Variants in ATM observed in about 807,000 individuals in gnomAD.
ATM encodes ATM serine/threonine kinase.
In ATM, 308 loss-of-function variants were observed where a neutral mutation model predicts 387.0. The ratio of observed to expected loss-of-function variants is 0.80; its 90% CI spans 0.73 to 0.87. The LOEUF is 0.87. Ranked by LOEUF, ATM falls within the 40% of genes least tolerant of loss-of-function variation. ATM has a pLI of 0.00. For missense variants in ATM, 3,312 were observed against 3,560.9 expected, an observed-to-expected ratio of 0.93 and a Z score of 1.78; for synonymous variants, 1,156 against 1,187.3, an observed-to-expected ratio of 0.97 and a Z score of 0.54.
At chr11:108,361,446 A>G (rs1394782815) in intron 61 of ATM, among the ~76,000 whole-genome samples, 1 of 151,982 alleles carries the variant, frequency 6.6e-6, no homozygotes, top group Non-Finnish European at 1.5e-5. Flanking sequence ...GGAAAAAACT[A>G]CTTTAAAGTT....
chr11:108,271,253 A>G lies in ATM; in HGVS notation c.2924A>G (p.Asn975Ser), dbSNP rs730881354. The G allele has an allele frequency of 4.3e-6, 7 of 1,612,910 alleles. No homozygotes were observed. The highest frequency in any genetic ancestry group is 4.5e-5 in the East Asian group (2 of 44,842). Reference sequence around the variant, plus strand: ...CTTTTTTTTTTTTTTTACCACAGCAATGTGTGTTCTTTGTATCGTCGTGAC... The same window carrying G: ...CTTTTTTTTTTTTTTTACCACAGCAGTGTGTGTTCTTTGTATCGTCGTGAC... ...DVLELLKPLSNVCSLYRRDQD... is the reference protein window; with the variant it reads ...DVLELLKPLSSVCSLYRRDQD... The change falls in exon 20 of 63, where the codon AAT becomes AGT. Residue 975 changes from asparagine (N) to serine (S), a missense_variant and splice_region_variant. By Grantham distance (46) the Asn-to-Ser change is conservative. This residue lies in a region of ATM where 1,791 missense variants were observed against 1,804.5 expected (regional missense o/e 0.99). Transcript: ENST00000675843.
intron 22 of ATM, among the ~76,000 whole-genome samples, chr11:108,276,946 C>T (rs964705886): frequency 1.3e-5 from 2 of 152,188 alleles, no homozygotes; most frequent in African/African-American, 2.4e-5. Flanking sequence ...ACGTTTAAGT[C>T]CGCTGAAGCT....
intron 4 of ATM, among the ~76,000 whole-genome samples, chr11:108,232,358 T>C (rs1008582671): frequency 6.6e-6 from 1 of 152,098 alleles, no homozygotes; most frequent in South Asian, 2.1e-4. Context: ...TGTTTGTTTG[T>C]TTTTTACGAA....
intron 33 of ATM, among the ~76,000 whole-genome samples, chr11:108,297,801 T>C (rs2083206865): frequency 6.6e-6 from 1 of 152,200 alleles, no homozygotes; most frequent in Admixed American, 6.5e-5. Flanking sequence ...TTAATTAAAA[T>C]GTCCCTAAAA....
intron 31 of ATM, among the ~76,000 whole-genome samples, chr11:108,294,528 T>C (rs1219560359): frequency 5.9e-5 from 9 of 152,126 alleles, no homozygotes; most frequent in Non-Finnish European, 1.3e-4. Flanking sequence ...TCATCTGAGG[T>C]CAGGAGTTCG....
chr11:108,299,504 C>A, intron 33 of ATM: 1 of 452,126 alleles, frequency 2.2e-6, no homozygotes, highest in South Asian at 2.1e-5. Flanking sequence ...ACCATGTTGG[C>A]CAGGCTGGTC....
At chr11:108,357,495 CACAG>C (rs2090138757) in intron 61 of ATM, among the ~76,000 whole-genome samples, 1 of 152,202 alleles carries the variant, frequency 6.6e-6, no homozygotes, top group African/African-American at 2.4e-5. Context: ...GGGGGCAGGG[CACAG>C]ACAAACAAAA....
chr11:108,354,300 A>T (rs1002713284), intron 60 of ATM, among the ~76,000 whole-genome samples: 3 of 152,114 alleles, frequency 2.0e-5, no homozygotes, highest in Admixed American at 6.6e-5. Context: ...TTTACTTTTA[A>T]CACCTCTATC....
At chr11:108,245,172 C>T in intron 7 of ATM, 146 bp downstream of exon 7, 1 of 755,510 alleles carries the variant, frequency 1.3e-6, no homozygotes, top group Non-Finnish European at 2.2e-6. Context: ...GAATGTTTTT[C>T]ATAGAGTTTT....
intron 34 of ATM, 128 bp downstream of exon 34, chr11:108,300,013 A>T (rs2083344737): frequency 1.1e-6 from 1 of 896,156 alleles, no homozygotes; most frequent in Non-Finnish European, 1.7e-6. Flanking sequence ...CTTTATGAAA[A>T]TTCTTATATT....
intron 10 of ATM, 59 bp downstream of exon 10, chr11:108,251,131 C>T (rs2135330694): frequency 1.2e-6 from 2 of 1,604,358 alleles, no homozygotes; most frequent in Middle Eastern, 1.8e-4. Flanking sequence ...CACACACACA[C>T]TCACATATCC....
Position 108,271,529 on chromosome 11 carries a change from A to G in ATM, c.3077+123A>G, listed in dbSNP as rs1039670103. ...TACATAGCTAATACATCTTTTAAGA[A>G]TAGCAGAATGTAATTTGTGTTTCCC... On this transcript the variant is annotated intron_variant, in intron 20 of 62. Coordinates refer to ENST00000675843, the MANE Select transcript of ATM (RefSeq NM_000051.4). 1.4e-4 allele frequency: 167 copies of G among 1,183,140 alleles called. 1 individual carries two copies. The highest frequency in any genetic ancestry group is 2.0e-4 in the Non-Finnish European group (160 of 800,058). The allele number at this position is 1,183,140 out of a possible 1,614,324, so 73.3% of individuals were successfully genotyped here.
chr11:108,256,181 A>T (rs1345767217), intron 13 of ATM, 34 bp from the exon 14 acceptor site: 2 of 1,497,630 alleles, frequency 1.3e-6, no homozygotes, highest in Non-Finnish European at 1.8e-6. Flanking sequence ...TTATTTATGA[A>T]ATATATATAT....
intron 38 of ATM, 38 bp from the exon 39 acceptor site, chr11:108,310,122 T>G: frequency 6.3e-7 from 1 of 1,595,858 alleles, no homozygotes; most frequent in Non-Finnish European, 8.6e-7. Context: ...TATTGAAGTT[T>G]AAAAAAGTGA....
chr11:108,265,557 C>G (rs1301532321), intron 16 of ATM, among the ~76,000 whole-genome samples: 46 of 142,154 alleles, frequency 3.2e-4, no homozygotes, highest in Admixed American at 6.5e-4. Flanking sequence ...CATTACCATT[C>G]AGGACATAGG....
In ATM at chr11:108,251,920, G is replaced by T; in HGVS notation, c.1691G>T (p.Cys564Phe). 6.2e-7 allele frequency: 1 copy of T among 1,613,916 alleles called. No individual in the cohort carries two copies. The highest frequency in any genetic ancestry group is 1.3e-5 in the African/African-American group (1 of 75,052). ...TVKMGIEQNMCEVNRSFSLKE... is the reference protein window; with the variant it reads ...TVKMGIEQNMFEVNRSFSLKE... ...AAAATGGGAATAGAGCAAAATATGT[G>T]TGAAGTAAATAGAAGCTTTTCTTTA... The change falls in exon 11 of 63, where the codon TGT becomes TTT. Residue 564 changes from cysteine to phenylalanine, a missense_variant. Cys to Phe is a radical substitution (Grantham distance 205). Around this residue, in one of 4 missense-constraint regions of ATM, gnomAD observed 1,791 missense variants for 1,804.5 expected, o/e 0.99. Transcript: ENST00000675843.
intron 29 of ATM, chr11:108,290,757 G>A (rs536857497): frequency 1.3e-5 from 2 of 150,836 alleles, no homozygotes; most frequent in South Asian, 2.1e-4. Context: ...AAGAGTTTGA[G>A]GCTGCCAGTG....
At chr11:108,243,809 A>T in intron 5 of ATM, 144 bp from the exon 6 acceptor site, 1 of 741,180 alleles carries the variant, frequency 1.3e-6, no homozygotes, top group Non-Finnish European at 2.1e-6. Context: ...CTGATGGAGT[A>T]CTTTTACTAT....
At position 108,332,913 on chromosome 11, in the gene ATM, T is replaced by C; in HGVS notation, c.7927+13T>C. The C allele has an allele frequency of 6.2e-7, 1 of 1,609,596 alleles. No homozygotes were observed. The highest frequency in any genetic ancestry group is 8.5e-7 in the Non-Finnish European group (1 of 1,178,520). Reference sequence around the variant, plus strand: ...AAGACTCAGAGAAGTATGTTTTTTTTAAAGAAGAAACGTTACTTTCTTGCT... The same window carrying C: ...AAGACTCAGAGAAGTATGTTTTTTTCAAAGAAGAAACGTTACTTTCTTGCT... On this transcript the variant is annotated intron_variant, in intron 53 of 62. Transcript: ENST00000675843.
Sources: allele counts gnomAD v4.1 joint callset (sites outside exome capture counted in the v4.1 genomes callset), GRCh38; gene constraint gnomAD v4.1.1; regional missense constraint gnomAD v4.1.1; transcripts MANE v1.5; gene names NCBI Gene and HGNC (gene_info 2026-07-23, HGNC 2026-07-21).